The following WDR4 variants were observed in gnomAD, a reference collection of about 807,000 sequenced individuals.
WDR4 encodes tRNA (guanine-N(7)-)-methyltransferase non-catalytic subunit WDR4.
In WDR4, 47 loss-of-function variants were observed where a neutral mutation model predicts 48.6. The observed-to-expected ratio is 0.97, with a 90% CI of 0.77 to 1.23. WDR4 has a LOEUF of 1.23. Among genes scored for constraint, WDR4 ranks in the 50% most tolerant of loss-of-function variants. The probability of loss-of-function intolerance (pLI) is 0.00; values close to 1 mark genes in which losing one functional copy is unlikely to be tolerated. For missense variants in WDR4, 606 were observed against 551.6 expected (o/e 1.10, Z -0.99); for synonymous variants, 268 against 230.0 (o/e 1.17, Z -1.49).
At chr21:42,888,879 T>C in the WDR4 span, among the ~76,000 whole-genome samples, 3 of 151,282 alleles carry the variant, frequency 2.0e-5, no homozygotes, top group African/African-American at 4.9e-5. Flanking sequence ...TTTTGTTGTA[T>C]TTTTAGTAGC....
At chr21:42,851,546 A>AC (rs2057827626) in intron 10 of WDR4, among the ~76,000 whole-genome samples, 1 of 152,186 alleles carries the variant, frequency 6.6e-6, no homozygotes, top group African/African-American at 2.4e-5. Flanking sequence ...GTCGTGAATG[A>AC]GGCACCTGGA....
chr21:42,859,595 G>GTGGCC, intron 6 of WDR4, 67 bp downstream of exon 6: 1 of 756,200 alleles, frequency 1.3e-6, no homozygotes, highest in Non-Finnish European at 2.3e-6. Flanking sequence ...GGTCCAGGAG[G>GTGGCC]CGCCCACCCC....
chr21:42,875,395 CA>C (rs1366531107), intron 2 of WDR4, among the ~76,000 whole-genome samples: 13 of 149,026 alleles, frequency 8.7e-5, no homozygotes, highest in East Asian at 5.8e-4. Flanking sequence ...ACTAAAAATA[CA>C]AAAAAAAAAT....
At position 42,859,740 on chromosome 21, in the gene WDR4, AGC is replaced by A; in HGVS notation, c.567-20_567-19del. ...TCACAAACCTGTGAGGGCGAGAGAG[AGC>A]GGCAGAGTCAGCGAGCCCAGCGCCC... On this transcript the variant is annotated intron_variant, in intron 5 of 10. Transcript: ENST00000398208. The A allele has an allele frequency of 6.4e-7, 1 of 1,554,286 alleles. No individual in the cohort carries two copies. Among genetic ancestry groups the A allele is most frequent in the Non-Finnish European group, 8.7e-7 (1 of 1,148,648 alleles).
At chr21:42,852,802 C>A (rs1327323956) in intron 9 of WDR4, among the ~76,000 whole-genome samples, 1 of 152,008 alleles carries the variant, frequency 6.6e-6, no homozygotes, top group Non-Finnish European at 1.5e-5. Context: ...GTAATCCCAG[C>A]TACTCGGGAG....
chr21:42,875,642 G>A (rs994708197), intron 2 of WDR4, among the ~76,000 whole-genome samples: 2 of 152,178 alleles, frequency 1.3e-5, no homozygotes, highest in Admixed American at 6.5e-5. Context: ...AGGAGGTCGA[G>A]GCTGCAGGGA....
intron 2 of WDR4, among the ~76,000 whole-genome samples, chr21:42,875,613 C>T (rs1393899829): frequency 3.3e-5 from 5 of 152,066 alleles, no homozygotes; most frequent in Non-Finnish European, 4.4e-5. Context: ...GGGGATGAGG[C>T]GGGAGATCAC....
chr21:42,874,254 A>C (rs1271144483), intron 2 of WDR4, among the ~76,000 whole-genome samples: 1 of 152,202 alleles, frequency 6.6e-6, no homozygotes, highest in Non-Finnish European at 1.5e-5. Context: ...ATAGACACTT[A>C]TCACTTCCCC....
At chr21:42,888,192 T>C in the WDR4 span, among the ~76,000 whole-genome samples, 1 of 152,204 alleles carries the variant, frequency 6.6e-6, no homozygotes, top group Non-Finnish European at 1.5e-5. Context: ...CAAACCCATC[T>C]ATGCCCTACA....
chr21:42,861,031 G>A (rs767797742), intron 5 of WDR4, among the ~76,000 whole-genome samples: 2 of 152,216 alleles, frequency 1.3e-5, no homozygotes, highest in Non-Finnish European at 2.9e-5. Context: ...AAACGGGCAG[G>A]CCGGGCACGG....
intron 1 of WDR4, among the ~76,000 whole-genome samples, chr21:42,878,405 T>C (rs187671200): frequency 3.3e-5 from 5 of 152,356 alleles, no homozygotes; most frequent in Admixed American, 2.0e-4. Context: ...AAATCATGTC[T>C]AATATATCCA....
chr21:42,860,595 G>A (rs8133114), intron 5 of WDR4, among the ~76,000 whole-genome samples: 44,255 of 152,206 alleles, frequency 0.29, 6,718 homozygotes, highest in South Asian at 0.38. Flanking sequence ...AGCCGGGCCC[G>A]GTCCCGCAGC....
At chr21:42,868,395 C>T (rs562109422) in intron 3 of WDR4, among the ~76,000 whole-genome samples, 1 of 152,318 alleles carries the variant, frequency 6.6e-6, no homozygotes, top group South Asian at 2.1e-4. Context: ...AACTTCACAG[C>T]CGCAGCACTG....
intron 7 of WDR4, among the ~76,000 whole-genome samples, chr21:42,855,410 G>A (rs951498430): frequency 1.3e-5 from 2 of 152,230 alleles, no homozygotes; most frequent in African/African-American, 4.8e-5. Context: ...CCACAAAGGT[G>A]CATGCTCAAG....
At chr21:42,852,461 T>C (rs2057858791) in intron 9 of WDR4, 137 bp from the exon 10 acceptor site, 1 of 917,298 alleles carries the variant, frequency 1.1e-6, no homozygotes, top group South Asian at 1.6e-5. Flanking sequence ...ATTCACCTTC[T>C]GTGGAGACCT....
At chr21:42,885,844 C>T in the WDR4 span, among the ~76,000 whole-genome samples, 3 of 151,950 alleles carry the variant, frequency 2.0e-5, no homozygotes, top group Non-Finnish European at 4.4e-5. Context: ...TACAGGTGTA[C>T]ATGACCATGA....
intron 2 of WDR4, among the ~76,000 whole-genome samples, chr21:42,874,336 T>A (rs947646971): frequency 2.6e-5 from 4 of 152,218 alleles, no homozygotes; most frequent in African/African-American, 9.6e-5. Flanking sequence ...GAGGAGGATG[T>A]ATGTCACCTC....
chr21:42,853,457 G>A (rs2146004509), intron 9 of WDR4, 112 bp downstream of exon 9: 2 of 1,234,338 alleles, frequency 1.6e-6, no homozygotes, highest in East Asian at 5.1e-5. Context: ...CCCCAGAAGT[G>A]GCTGAGTTGA....
At chr21:42,850,368 C>A in intron 10 of WDR4, 126 bp from the exon 11 acceptor site, 2 of 868,990 alleles carry the variant, frequency 2.3e-6, no homozygotes, top group South Asian at 2.0e-5. Flanking sequence ...CCGTGGGGGG[C>A]GCCTTCTGGG....
Sources: gnomAD v4.1 joint callset for allele counts (sites outside exome capture counted in the v4.1 genomes callset) on GRCh38, gnomAD v4.1.1 for gene constraint, MANE v1.5 for transcripts, NCBI Gene and HGNC (gene_info 2026-07-23, HGNC 2026-07-21) for gene names.